The following LAMA2 variants were observed in gnomAD, a reference collection of about 807,000 sequenced individuals.
The protein encoded by LAMA2 is laminin subunit alpha 2.
Under a neutral mutation model 364.8 loss-of-function variants are expected in LAMA2, and 269 were observed. The observed-to-expected ratio is 0.74, with a 90% CI of 0.67 to 0.82. The LOEUF is 0.82. Among genes scored for constraint, LAMA2 ranks in the 40% least tolerant of loss-of-function variants. LAMA2 has a pLI of 0.00. For missense variants in LAMA2, 3,807 were observed against 3,873.2 expected (o/e 0.98, Z 0.45); for synonymous variants, 1,379 against 1,370.6 (o/e 1.01, Z -0.14).
intron 18 of LAMA2, among the ~76,000 whole-genome samples, chr6:129,283,619 A>C (rs1470747437): frequency 4.0e-5 from 6 of 151,428 alleles, no homozygotes; most frequent in Non-Finnish European, 8.8e-5. Context: ...GTTTGAATCT[A>C]ATTGCTTAAT....
intron 1 of LAMA2, among the ~76,000 whole-genome samples, chr6:129,018,534 T>A (rs1451234389): frequency 1.1e-4 from 16 of 139,246 alleles, no homozygotes; most frequent in South Asian, 2.3e-4. Context: ...ACTTGAGATT[T>A]AAAAAAAAAA....
intron 1 of LAMA2, among the ~76,000 whole-genome samples, chr6:128,977,033 G>A (rs1161782408): frequency 6.6e-6 from 1 of 152,106 alleles, no homozygotes; most frequent in Non-Finnish European, 1.5e-5. Context: ...ATTTTATTCT[G>A]CTTTTATCTT....
At chr6:129,010,717 C>T (rs1784716787) in intron 1 of LAMA2, among the ~76,000 whole-genome samples, 1 of 152,182 alleles carries the variant, frequency 6.6e-6, no homozygotes, top group African/African-American at 2.4e-5. Flanking sequence ...CGTGGTAACA[C>T]ATACTTTATA....
In LAMA2 at chr6:129,065,343, G is replaced by A. The variant is rs78749629; in HGVS notation, c.396+5447G>A. Among the ~76,000 whole-genome samples the A allele has an allele frequency of 9.5e-3, 1,448 of 152,146 alleles. 29 individuals are homozygous for A. The highest frequency in any genetic ancestry group is 0.033 in the African/African-American group (1,387 of 41,494). On this transcript the variant is annotated intron_variant, in intron 3 of 64. Coordinates refer to ENST00000421865, the MANE Select transcript of LAMA2 (RefSeq NM_000426.4). ...CTGAAAGGTTTTTCTCTAAGATCAG[G>A]AATAAGACAAGGATACCCACTTGCA...
At position 129,453,198 on chromosome 6, in the gene LAMA2, G is replaced by A. The variant is rs914542383; in HGVS notation, c.6573+67G>A. The A allele has an allele frequency of 4.2e-6, 6 of 1,427,688 alleles. No homozygotes were observed. In the African/African-American group the frequency reaches 8.4e-5, roughly 20 times the overall value. 88.4% of individuals were successfully genotyped at this position (1,427,688 alleles called of 1,614,324 possible). Reference sequence around the variant, plus strand: ...TATAGCTAGAGGTTAATCTGAAAATGTATAGAATCCCCAAATGTATATGGT... The same window carrying A: ...TATAGCTAGAGGTTAATCTGAAAATATATAGAATCCCCAAATGTATATGGT... On this transcript the variant is annotated intron_variant, in intron 46 of 64. Coordinates refer to ENST00000421865, the MANE Select transcript of LAMA2 (RefSeq NM_000426.4).
At chr6:129,408,429 G>A (rs558451562) in intron 40 of LAMA2, among the ~76,000 whole-genome samples, 4 of 152,322 alleles carry the variant, frequency 2.6e-5, no homozygotes, top group African/African-American at 7.2e-5. Context: ...TTCTTTAGCT[G>A]TAAAGTGAGT....
chr6:129,316,597 A>G (rs929435456), intron 27 of LAMA2, among the ~76,000 whole-genome samples: 1 of 152,232 alleles, frequency 6.6e-6, no homozygotes, highest in Admixed American at 6.5e-5. Context: ...TGTTCACCCC[A>G]GTGTGCCATA....
chr6:129,330,955 G>A (rs1269944318), intron 29 of LAMA2, among the ~76,000 whole-genome samples: 10 of 151,574 alleles, frequency 6.6e-5, no homozygotes, highest in Non-Finnish European at 1.2e-4. Flanking sequence ...TGCAAGCTCC[G>A]CCTCTCAGGT....
chr6:129,479,188 T>TC (rs1784232902), intron 54 of LAMA2, among the ~76,000 whole-genome samples: 1 of 152,204 alleles, frequency 6.6e-6, no homozygotes, highest in African/African-American at 2.4e-5. Context: ...TTACATTTTT[T>TC]CTGGAACCAT....
At chr6:129,052,970 C>T (rs938402449) in intron 2 of LAMA2, among the ~76,000 whole-genome samples, 2 of 152,088 alleles carry the variant, frequency 1.3e-5, no homozygotes, top group African/African-American at 4.8e-5. Context: ...AATTAGTGGT[C>T]GTGTGTATCA....
At chr6:129,330,885 T>C (rs1013511195) in intron 29 of LAMA2, among the ~76,000 whole-genome samples, 2 of 151,982 alleles carry the variant, frequency 1.3e-5, no homozygotes, top group African/African-American at 4.8e-5. Context: ...CTTTTTTTTT[T>C]TGAGACGGAG....
chr6:128,906,352 T>C (rs1247471493), intron 1 of LAMA2, among the ~76,000 whole-genome samples: 1 of 132,306 alleles, frequency 7.6e-6, no homozygotes, highest in East Asian at 2.1e-4. Flanking sequence ...TGGTATCTCA[T>C]TGTGGTTTTG....
At chr6:129,287,777 T>C in intron 18 of LAMA2, 70 bp from the exon 19 acceptor site, 4 of 1,241,912 alleles carry the variant, frequency 3.2e-6, no homozygotes, top group Non-Finnish European at 4.7e-6. Context: ...AAGGGGAGAA[T>C]GAAAAATATG....
chr6:128,911,300 G>C (rs150911283), intron 1 of LAMA2, among the ~76,000 whole-genome samples: 278 of 152,286 alleles, frequency 1.8e-3, no homozygotes, highest in African/African-American at 6.4e-3. Flanking sequence ...CTCCGTGGGC[G>C]TAGTACCTTC....
intron 34 of LAMA2, among the ~76,000 whole-genome samples, chr6:129,381,604 T>A (rs1412119952): frequency 2.0e-5 from 3 of 152,096 alleles, no homozygotes; most frequent in African/African-American, 7.2e-5. Context: ...TGGAACATAA[T>A]TACAACACTC....
intron 1 of LAMA2, among the ~76,000 whole-genome samples, chr6:128,970,822 T>C (rs1217119595): frequency 6.6e-6 from 1 of 152,208 alleles, no homozygotes; most frequent in East Asian, 1.9e-4. Flanking sequence ...AGTTCAATTC[T>C]AATTAAGAAT....
intron 1 of LAMA2, among the ~76,000 whole-genome samples, chr6:128,979,867 C>A (rs184953659): frequency 6.6e-6 from 1 of 152,252 alleles, no homozygotes; most frequent in Admixed American, 6.5e-5. Flanking sequence ...CTTTTTTATG[C>A]TAAAGTGATT....
Position 129,393,064 on chromosome 6 carries a change from A to T in LAMA2, c.5254A>T (p.Lys1752Ter), listed in dbSNP as rs1272516104. Residue 1752 changes from lysine to a stop codon, truncating the protein, a stop_gained, in exon 37 of 65, where the codon AAA becomes TAA. Coordinates refer to ENST00000421865, the MANE Select transcript of LAMA2 (RefSeq NM_000426.4). LOFTEE classifies it high-confidence loss of function. ...TTACAGAGCTGCAGAAGCCCTTCTG[A>T]AAAAAGTGAAGAAGCTGTTTGGAGA... ...DELVAAEALL[K>*]KVKKLFGESR... is the part of the protein sequence containing the mutation. 1 of 1,613,706 alleles carries T rather than the reference A, an allele frequency of 6.2e-7. No individual in the cohort carries two copies. The highest frequency in any genetic ancestry group is 8.5e-7 in the Non-Finnish European group (1 of 1,179,828).
At chr6:129,391,784 TTATCTATCATC>T in intron 36 of LAMA2, 131 bp downstream of exon 36, 1 of 717,502 alleles carries the variant, frequency 1.4e-6, no homozygotes, top group Non-Finnish European at 2.4e-6. Flanking sequence ...ATTTGCTATG[TTATCTATCATC>T]TATCTATCTA....
Sources: allele counts gnomAD v4.1 joint callset (sites outside exome capture counted in the v4.1 genomes callset), GRCh38; gene constraint gnomAD v4.1.1; transcripts MANE v1.5; gene names NCBI Gene and HGNC (gene_info 2026-07-23, HGNC 2026-07-21).